The following DLG2 variants were observed in gnomAD, a reference collection of about 807,000 sequenced individuals.
DLG2 encodes disks large homolog 2.
DLG2 carries 45 observed loss-of-function variants against 132.5 expected under a neutral mutation model. The ratio of observed to expected loss-of-function variants is 0.34; its 90% CI spans 0.27 to 0.44. DLG2 has a LOEUF of 0.44. Ranked by LOEUF, DLG2 falls within the 20% of genes least tolerant of loss-of-function variation. The pLI is 1.00. For missense variants in DLG2, 1,045 were observed against 1,196.9 expected (o/e 0.87, Z 1.87); for synonymous variants, 424 against 419.6 (o/e 1.01, Z -0.13).
intron 6 of DLG2, among the ~76,000 whole-genome samples, chr11:84,726,564 C>T (rs2062487614): frequency 6.6e-6 from 1 of 152,130 alleles, no homozygotes; most frequent in African/African-American, 2.4e-5. Context: ...AATAGTGCTG[C>T]AGTAAACATG....
chr11:85,246,245 G>A (rs2152686647), intron 4 of DLG2, among the ~76,000 whole-genome samples: 1 of 151,868 alleles, frequency 6.6e-6, no homozygotes, highest in East Asian at 1.9e-4. Context: ...AAGTAACAAA[G>A]CTCTAAATAA....
At chr11:84,673,781 G>C (rs1337249162) in intron 6 of DLG2, among the ~76,000 whole-genome samples, 3 of 152,038 alleles carry the variant, frequency 2.0e-5, no homozygotes, top group East Asian at 1.9e-4. Context: ...GAGTCTGCAA[G>C]ATATTTAAAA....
chr11:83,565,091 G>C (rs1315791377), intron 19 of DLG2, among the ~76,000 whole-genome samples: 1 of 152,074 alleles, frequency 6.6e-6, no homozygotes, highest in Non-Finnish European at 1.5e-5. Context: ...ATAGTTCCTG[G>C]TACAATCCCT....
At chr11:84,522,691 CTG>C (rs2154517230) in intron 7 of DLG2, among the ~76,000 whole-genome samples, 1 of 152,280 alleles carries the variant, frequency 6.6e-6, no homozygotes, top group Non-Finnish European at 1.5e-5. Flanking sequence ...GTACAACATT[CTG>C]TCTTATATAA....
intron 13 of DLG2, 59 bp from the exon 14 acceptor site, chr11:83,963,082 T>C: frequency 6.4e-7 from 1 of 1,556,662 alleles, no homozygotes; most frequent in Non-Finnish European, 8.8e-7. Flanking sequence ...CAATGTGTCA[T>C]GCTATACTTC....
rs151326836 is a variant in DLG2 at position 83,530,660 on chromosome 11, G to A, written c.2193+2048C>T. On this transcript the variant is annotated intron_variant, in intron 21 of 27. Coordinates refer to ENST00000376104, the MANE Select transcript of DLG2 (RefSeq NM_001142699.3). ...ACATCACACTTCATGGCGAAAGACCGAATGCATTTCTGTTAATGTCAGGAA... is the reference window on the plus strand; with the variant it reads ...ACATCACACTTCATGGCGAAAGACCAAATGCATTTCTGTTAATGTCAGGAA... 1.8e-4 allele frequency among the ~76,000 whole-genome samples: 27 copies of A among 152,064 alleles called. No individual in the cohort carries two copies. In the East Asian group the frequency reaches 5.0e-3, roughly 28 times the overall value.
At chr11:84,504,094 T>C (rs1489141271) in intron 7 of DLG2, among the ~76,000 whole-genome samples, 1 of 152,214 alleles carries the variant, frequency 6.6e-6, no homozygotes, top group African/African-American at 2.4e-5. Flanking sequence ...GCAATTACTA[T>C]AGACCAAACT....
At chr11:84,432,076 T>A (rs1236006017) in intron 7 of DLG2, among the ~76,000 whole-genome samples, 1 of 152,194 alleles carries the variant, frequency 6.6e-6, no homozygotes, top group Non-Finnish European at 1.5e-5. Flanking sequence ...AAAATGAAGA[T>A]AATTACAACA....
rs909451640 is a variant in DLG2, at chr11:84,357,857, T to C, written c.520-106566A>G. Reference sequence around the variant, plus strand: ...TAATGAAGGCATTAAATGAAACATGTAGTAGGTAAGAGTCTCAAATTTCTT... The same window carrying C: ...TAATGAAGGCATTAAATGAAACATGCAGTAGGTAAGAGTCTCAAATTTCTT... On this transcript the variant is annotated intron_variant, in intron 7 of 27. Transcript: ENST00000376104. Among the ~76,000 whole-genome samples the C allele has an allele frequency of 1.1e-4, 17 of 151,976 alleles. No individual in the cohort carries two copies. In the South Asian group the frequency reaches 2.7e-3, roughly 24 times the overall value.
chr11:85,371,309 T>A (rs2084956744), intron 3 of DLG2, among the ~76,000 whole-genome samples: 1 of 152,184 alleles, frequency 6.6e-6, no homozygotes, highest in African/African-American at 2.4e-5. Flanking sequence ...ATCCATGTTT[T>A]GTTTTTCAGA....
At chr11:84,100,963 T>A (rs367722747) in intron 9 of DLG2, among the ~76,000 whole-genome samples, 10 of 152,176 alleles carry the variant, frequency 6.6e-5, no homozygotes, top group African/African-American at 2.4e-4. Context: ...TAAAATCTCA[T>A]GTGTTTATAC....
chr11:83,966,445 C>T (rs1345333140), intron 12 of DLG2, among the ~76,000 whole-genome samples: 4 of 151,978 alleles, frequency 2.6e-5, no homozygotes, highest in Non-Finnish European at 5.9e-5. Flanking sequence ...GCCTGTGATA[C>T]AAATGATACA....
chr11:85,394,134 G>A (rs2087065055), intron 3 of DLG2, among the ~76,000 whole-genome samples: 1 of 152,010 alleles, frequency 6.6e-6, no homozygotes, highest in African/African-American at 2.4e-5. Flanking sequence ...CTTAACTTCT[G>A]TTCCTTTTTA....
At chr11:85,399,729 T>A (rs1450372481) in intron 3 of DLG2, among the ~76,000 whole-genome samples, 2 of 152,214 alleles carry the variant, frequency 1.3e-5, no homozygotes, top group East Asian at 1.9e-4. Flanking sequence ...GCTAACCATA[T>A]GTAGAAAGCT....
At chr11:85,320,894 T>C (rs974974496) in intron 3 of DLG2, among the ~76,000 whole-genome samples, 4 of 151,660 alleles carry the variant, frequency 2.6e-5, no homozygotes, top group Non-Finnish European at 5.9e-5. Flanking sequence ...GCTTATTGTT[T>C]AGACCTTTGG....
At chr11:85,090,224 C>G (rs1020537266) in intron 6 of DLG2, among the ~76,000 whole-genome samples, 1 of 152,110 alleles carries the variant, frequency 6.6e-6, no homozygotes, top group Admixed American at 6.5e-5. Flanking sequence ...AACAAACAAA[C>G]AAAAACACTG....
chr11:84,852,696 ATGTTT>A (rs2082302862), intron 6 of DLG2, among the ~76,000 whole-genome samples: 1 of 152,026 alleles, frequency 6.6e-6, no homozygotes, highest in African/African-American at 2.4e-5. Flanking sequence ...TACCAAACAT[ATGTTT>A]ATTGGGACAA....
At chr11:84,905,887 A>T (rs1028671211) in intron 6 of DLG2, among the ~76,000 whole-genome samples, 1 of 152,190 alleles carries the variant, frequency 6.6e-6, no homozygotes, top group African/African-American at 2.4e-5. Flanking sequence ...TTGCATACAC[A>T]TGGTACAGTT....
chr11:84,892,890 A>G (rs753098258), intron 6 of DLG2, among the ~76,000 whole-genome samples: 5 of 152,124 alleles, frequency 3.3e-5, no homozygotes, highest in Non-Finnish European at 7.3e-5. Flanking sequence ...AAACAGAGGA[A>G]GAGAAGAGAA....
Sources: gnomAD v4.1 joint callset for allele counts (sites outside exome capture counted in the v4.1 genomes callset) on GRCh38, gnomAD v4.1.1 for gene constraint, MANE v1.5 for transcripts, NCBI Gene and HGNC (gene_info 2026-07-23, HGNC 2026-07-21) for gene names.